Variants in GTF2E2 observed in about 807,000 individuals in gnomAD.
GTF2E2 encodes the protein transcription initiation factor IIE subunit beta.
GTF2E2 carries 21 observed loss-of-function variants against 40.5 expected under a neutral mutation model. That is an observed-to-expected ratio of 0.52 (90% CI 0.37 to 0.75). GTF2E2 has a LOEUF of 0.75. Among genes scored for constraint, GTF2E2 ranks in the 30% least tolerant of loss-of-function variants. The probability of loss-of-function intolerance (pLI) is 0.00; values close to 1 mark genes in which losing one functional copy is unlikely to be tolerated. For missense variants in GTF2E2, 298 were observed against 338.4 expected, an observed-to-expected ratio of 0.88 and a Z score of 0.94; for synonymous variants, 117 against 121.6, an observed-to-expected ratio of 0.96 and a Z score of 0.25.
At chr8:30,631,651 T>C (rs1003511310) in intron 3 of GTF2E2, among the ~76,000 whole-genome samples, 9 of 152,244 alleles carry the variant, frequency 5.9e-5, no homozygotes, top group African/African-American at 9.6e-5. Context: ...AAATAAGATA[T>C]GCTAGCTGTC....
chr8:30,620,046 T>G (rs1479341115), intron 3 of GTF2E2, among the ~76,000 whole-genome samples: 2 of 151,986 alleles, frequency 1.3e-5, no homozygotes. Context: ...CTGTAGAAAC[T>G]GACAGAGTAA....
At chr8:30,591,064 A>G (rs559707264) in intron 6 of GTF2E2, among the ~76,000 whole-genome samples, 7 of 152,362 alleles carry the variant, frequency 4.6e-5, no homozygotes, top group African/African-American at 1.7e-4. Context: ...ATGGAAAAAA[A>G]TATCTGTAAA....
rs915772722 is a variant in GTF2E2, at chr8:30,649,628, T to C, written c.166+3805A>G. ...GGGAAGCTGAGGCAGGCAGATCACC[T>C]GAGGTCAGGAGCTCAAGACTAGCCT... On this transcript the variant is annotated intron_variant, in intron 2 of 7. Transcript: ENST00000355904. Among the ~76,000 whole-genome samples the C allele has an allele frequency of 8.5e-5, 13 of 152,162 alleles. No individual in the cohort carries two copies. In the East Asian group the frequency reaches 2.5e-3, roughly 29 times the overall value.
chr8:30,612,135 C>G (rs1178151119), intron 5 of GTF2E2, among the ~76,000 whole-genome samples, 164 bp downstream of exon 5: 1 of 152,180 alleles, frequency 6.6e-6, no homozygotes, highest in Non-Finnish European at 1.5e-5. Flanking sequence ...CCCTTTCCTG[C>G]TAGGTGGCAC....
intron 2 of GTF2E2, among the ~76,000 whole-genome samples, chr8:30,651,598 T>A (rs1218909917): frequency 6.6e-6 from 1 of 152,110 alleles, no homozygotes; most frequent in East Asian, 1.9e-4. Context: ...CTACAAAAAA[T>A]TTGTAAAAAG....
chr8:30,582,115 A>C (rs1444982274), intron 6 of GTF2E2, among the ~76,000 whole-genome samples: 1 of 152,140 alleles, frequency 6.6e-6, no homozygotes, highest in Non-Finnish European at 1.5e-5. Flanking sequence ...GGGCTTAAGC[A>C]ATCCTCCCAC....
chr8:30,603,075 T>C (rs1351103954), intron 6 of GTF2E2, among the ~76,000 whole-genome samples: 1 of 152,186 alleles, frequency 6.6e-6, no homozygotes, highest in Non-Finnish European at 1.5e-5. Context: ...TGTCCTCCAC[T>C]TCAGAATGGA....
intron 4 of GTF2E2, among the ~76,000 whole-genome samples, chr8:30,613,975 T>C (rs1358471072): frequency 1.3e-5 from 2 of 152,214 alleles, no homozygotes; most frequent in African/African-American, 4.8e-5. Context: ...TGCAACAAAA[T>C]ATCTTCCTAT....
intron 2 of GTF2E2, among the ~76,000 whole-genome samples, chr8:30,643,097 A>G (rs1801909509): frequency 6.6e-6 from 1 of 152,174 alleles, no homozygotes; most frequent in African/African-American, 2.4e-5. Flanking sequence ...GAAAACAAAA[A>G]CCTTAGAAAA....
At chr8:30,628,799 C>T (rs1801356312) in intron 3 of GTF2E2, among the ~76,000 whole-genome samples, 1 of 152,236 alleles carries the variant, frequency 6.6e-6, no homozygotes, top group African/African-American at 2.4e-5. Flanking sequence ...GGTGTGGTGG[C>T]ACACGCCTGT....
chr8:30,583,085 G>A (rs1358835011), intron 6 of GTF2E2, among the ~76,000 whole-genome samples: 1 of 152,142 alleles, frequency 6.6e-6, no homozygotes, highest in Non-Finnish European at 1.5e-5. Context: ...TGTAATCCCA[G>A]CACTTTGGGA....
chr8:30,598,773 CAT>C (rs998698366), intron 6 of GTF2E2, among the ~76,000 whole-genome samples: 24 of 152,288 alleles, frequency 1.6e-4, no homozygotes, highest in East Asian at 3.9e-4. Flanking sequence ...CTTTTTAAAA[CAT>C]GTGGGGACAA....
intron 6 of GTF2E2, among the ~76,000 whole-genome samples, chr8:30,586,336 G>T (rs897406413): frequency 6.6e-6 from 1 of 152,030 alleles, no homozygotes. Flanking sequence ...TGTCCACAAC[G>T]TAATCCCCAG....
At chr8:30,632,841 T>A (rs1179761708) in intron 3 of GTF2E2, among the ~76,000 whole-genome samples, 2 of 152,182 alleles carry the variant, frequency 1.3e-5, no homozygotes, top group African/African-American at 2.4e-5. Flanking sequence ...AAATCACTAG[T>A]GATTTTTGAC....
At chr8:30,603,953 G>A (rs1469345367) in intron 6 of GTF2E2, among the ~76,000 whole-genome samples, 2 of 152,028 alleles carry the variant, frequency 1.3e-5, no homozygotes, top group Non-Finnish European at 2.9e-5. Context: ...TGGTTTTGTA[G>A]AAAAACACAG....
intron 2 of GTF2E2, among the ~76,000 whole-genome samples, chr8:30,642,678 C>T (rs1801890977): frequency 6.6e-6 from 1 of 152,180 alleles, no homozygotes; most frequent in African/African-American, 2.4e-5. Flanking sequence ...TTTCCCTCTT[C>T]CTATATACAC....
chr8:30,657,186 T>C (rs1178609611), intron 1 of GTF2E2, among the ~76,000 whole-genome samples: 1 of 152,154 alleles, frequency 6.6e-6, no homozygotes, highest in Non-Finnish European at 1.5e-5. Flanking sequence ...CTACCCAATA[T>C]GTGTACTAAG....
At chr8:30,623,502 A>G (rs916628403) in intron 3 of GTF2E2, among the ~76,000 whole-genome samples, 4 of 152,128 alleles carry the variant, frequency 2.6e-5, no homozygotes, top group Non-Finnish European at 5.9e-5. Context: ...TTACAGCAGC[A>G]TGATTTATAA....
chr8:30,609,045 G>A (rs1269214914), intron 5 of GTF2E2, among the ~76,000 whole-genome samples: 3 of 152,028 alleles, frequency 2.0e-5, no homozygotes, highest in East Asian at 1.9e-4. Context: ...CACTGCACTC[G>A]GCCGAGGTCA....
Sources: gnomAD v4.1 joint callset for allele counts (sites outside exome capture counted in the v4.1 genomes callset) on GRCh38, gnomAD v4.1.1 for gene constraint, MANE v1.5 for transcripts, NCBI Gene and HGNC (gene_info 2026-07-23, HGNC 2026-07-21) for gene names.